The following RIN2 variants were observed in gnomAD, a reference collection of about 807,000 sequenced individuals.
RIN2 encodes the protein Ras and Rab interactor 2.
Under a neutral mutation model 78.0 loss-of-function variants are expected in RIN2, and 36 were observed. That is an observed-to-expected ratio of 0.46 (90% CI 0.35 to 0.61). RIN2 has a LOEUF of 0.61. Among genes scored for constraint, RIN2 ranks in the 20% least tolerant of loss-of-function variants. RIN2 has a pLI of 0.00. For missense variants in RIN2, 1,087 were observed against 1,159.7 expected (o/e 0.94, Z 0.91); for synonymous variants, 466 against 466.8 (o/e 1.00, Z 0.02).
intron 1 of RIN2, among the ~76,000 whole-genome samples, chr20:19,783,810 C>T (rs541808703): frequency 6.6e-6 from 1 of 152,134 alleles, no homozygotes; most frequent in Non-Finnish European, 1.5e-5. Flanking sequence ...CACACTCGCT[C>T]TCATCAGTTG....
At position 20,002,060 on chromosome 20, in the gene RIN2, A is replaced by G. The variant is rs537589820; in HGVS notation, c.*1124A>G. On this transcript the variant is annotated 3_prime_UTR_variant, in exon 13 of 13. Coordinates refer to ENST00000255006, the MANE Select transcript of RIN2 (RefSeq NM_018993.4). ...AATTATTGGGACCAGAAACCAAGTA[A>G]TGTATAATGTGGCTTTTGTTGAGTT... 1.1e-4 allele frequency: 17 copies of G among 152,552 alleles called. No individual in the cohort carries two copies. Among genetic ancestry groups the G allele is most frequent in the African/African-American group, 3.8e-4 (16 of 41,584 alleles). 9.4% of individuals were successfully genotyped at this position (152,552 alleles called of 1,614,324 possible).
chr20:19,844,669 C>CTTCCTCTTCTTCTT (rs1232176696), intron 2 of RIN2, among the ~76,000 whole-genome samples: 2 of 76,166 alleles, frequency 2.6e-5, no homozygotes, highest in Admixed American at 1.4e-4. Context: ...TCTTCTTCTT[C>CTTCCTCTTCTTCTT]CTTCTTCTTC....
chr20:19,835,024 G>GA (rs1380456235), intron 2 of RIN2, among the ~76,000 whole-genome samples: 1 of 145,444 alleles, frequency 6.9e-6, no homozygotes, highest in Non-Finnish European at 1.5e-5. Context: ...AAGAGAGAGA[G>GA]AAAAAAGAGA....
At chr20:19,894,988 C>T (rs948351966) in intron 3 of RIN2, among the ~76,000 whole-genome samples, 2 of 152,088 alleles carry the variant, frequency 1.3e-5, no homozygotes, top group Non-Finnish European at 2.9e-5. Flanking sequence ...TCTGCAGCAT[C>T]GTGAGTCTCT....
At chr20:19,915,621 A>G (rs1051428712) in intron 3 of RIN2, among the ~76,000 whole-genome samples, 9 of 152,246 alleles carry the variant, frequency 5.9e-5, no homozygotes, top group Admixed American at 2.0e-4. Flanking sequence ...CAAATGAGGA[A>G]CAAACCTTTG....
chr20:19,856,859 T>C (rs867501270), intron 2 of RIN2, among the ~76,000 whole-genome samples: 3 of 152,190 alleles, frequency 2.0e-5, no homozygotes, highest in Non-Finnish European at 4.4e-5. Context: ...TCTTGCAACG[T>C]GGCCAGTAGT....
rs1254120353 is a variant in RIN2 at position 19,970,935 on chromosome 20, T to C, written c.628+6T>C. 3.7e-6 allele frequency: 6 copies of C among 1,607,376 alleles called. No homozygotes were observed. Among genetic ancestry groups the C allele is most frequent in the Non-Finnish European group, 5.1e-6 (6 of 1,175,512 alleles). On this transcript the variant is annotated splice_donor_region_variant and intron_variant, in intron 8 of 12. Coordinates refer to ENST00000255006, the MANE Select transcript of RIN2 (RefSeq NM_018993.4). ...ACTGGCCCAGATGGGACTAAGTAAG[T>C]GTGTGCCCCCTGCCTGAGTCTATCT... is the stretch of plus-strand genomic sequence containing the variant.
At chr20:19,834,456 G>C (rs2036342628) in intron 2 of RIN2, among the ~76,000 whole-genome samples, 1 of 152,162 alleles carries the variant, frequency 6.6e-6, no homozygotes, top group South Asian at 2.1e-4. Flanking sequence ...CAGCTAGTAA[G>C]CAGCAGCATT....
intron 6 of RIN2, among the ~76,000 whole-genome samples, chr20:19,962,975 A>T (rs571041588): frequency 3.7e-4 from 56 of 152,298 alleles, no homozygotes; most frequent in African/African-American, 1.3e-3. Flanking sequence ...ATAAATATTC[A>T]GATATTTTGT....
chr20:19,947,435 TTAG>T (rs2041141276), intron 4 of RIN2, among the ~76,000 whole-genome samples: 1 of 152,222 alleles, frequency 6.6e-6, no homozygotes, highest in South Asian at 2.1e-4. Flanking sequence ...AGTTTTCCAC[TTAG>T]TAGCAAAACT....
chr20:19,973,726 T>A (rs2042178625), intron 8 of RIN2, among the ~76,000 whole-genome samples: 3 of 152,062 alleles, frequency 2.0e-5, no homozygotes, highest in Admixed American at 6.6e-5. Flanking sequence ...GAGGTGGTGG[T>A]TGCAGTGAGC....
Position 19,975,454 on chromosome 20 carries a change from A to G in RIN2, c.1429A>G (p.Ile477Val). 6.2e-7 allele frequency: 1 copy of G among 1,614,030 alleles called. No homozygotes were observed. Among genetic ancestry groups the G allele is most frequent in the Non-Finnish European group, 8.5e-7 (1 of 1,179,894 alleles). The change falls in exon 9 of 13, where the codon ATC becomes GTC. Residue 477 changes from isoleucine (I) to valine (V), a missense_variant. By Grantham distance (29) the Ile-to-Val change is conservative (BLOSUM62 3). Coordinates refer to ENST00000255006, the MANE Select transcript of RIN2 (RefSeq NM_018993.4). The surrounding 1 kb of genome is among the most constrained non-coding windows in gnomAD (Gnocchi z 4.9). ...TGACCAAGAGACCATGGCGCCCCCCATCAAGTCCAAAAAGAAAAGGAGCAG... is the reference window on the plus strand; with the variant it reads ...TGACCAAGAGACCATGGCGCCCCCCGTCAAGTCCAAAAAGAAAAGGAGCAG... ...ESDQETMAPP[I>V]KSKKKRSSSF...
At chr20:19,861,788 A>C (rs1316653899) in intron 2 of RIN2, among the ~76,000 whole-genome samples, 3 of 149,702 alleles carry the variant, frequency 2.0e-5, no homozygotes, top group Non-Finnish European at 3.0e-5. Flanking sequence ...TCCATATCTG[A>C]TGATCACCCT....
At position 19,936,092 on chromosome 20, in the gene RIN2, C is replaced by T. The variant is rs894078280; in HGVS notation, c.158+893C>T. Among the ~76,000 whole-genome samples, 8 of 152,214 alleles carry T rather than the reference C, an allele frequency of 5.3e-5. 1 individual carries two copies. The highest frequency in any genetic ancestry group is 1.3e-4 in the Admixed American group (2 of 15,280). On this transcript the variant is annotated intron_variant, in intron 4 of 12. Transcript: ENST00000255006. Reference sequence around the variant, plus strand: ...AACCAGCCCGACTAGTTCCGCCATACGCTGACGGGAGAGAGCAACATCCCA... The same window carrying T: ...AACCAGCCCGACTAGTTCCGCCATATGCTGACGGGAGAGAGCAACATCCCA...
chr20:19,826,644 C>T (rs2036096795), intron 2 of RIN2, among the ~76,000 whole-genome samples: 1 of 152,182 alleles, frequency 6.6e-6, no homozygotes, highest in Non-Finnish European at 1.5e-5. Flanking sequence ...ATTTGTCATT[C>T]TCTCTGCTTT....
intron 4 of RIN2, among the ~76,000 whole-genome samples, chr20:19,955,723 C>T (rs780622831): frequency 2.8e-4 from 42 of 152,200 alleles, no homozygotes; most frequent in African/African-American, 7.9e-4. Context: ...CATGATTTTA[C>T]GAATAGCACA....
chr20:19,850,907 G>A (rs1239417869), intron 2 of RIN2, among the ~76,000 whole-genome samples: 2 of 151,948 alleles, frequency 1.3e-5, no homozygotes, highest in East Asian at 3.9e-4. Flanking sequence ...CTGGGATGCA[G>A]AAATTGCAGT....
Position 19,799,625 on chromosome 20 carries a change from G to T in RIN2, c.-159G>T, listed in dbSNP as rs2035178800. Reference sequence around the variant, plus strand: ...ATGGTCAATTTTTGTGTTGTAGATGGAGACGAGAGATCTGGACTTCTGAAC... The same window carrying T: ...ATGGTCAATTTTTGTGTTGTAGATGTAGACGAGAGATCTGGACTTCTGAAC... On this transcript the variant is annotated 5_prime_UTR_variant, in exon 2 of 13. It introduces an in-frame stop codon into an upstream open reading frame of the 5' UTR. Transcript: ENST00000255006. 2 of 152,170 alleles carry T rather than the reference G, an allele frequency of 1.3e-5. No homozygotes were observed. The highest frequency in any genetic ancestry group is 4.8e-5 in the African/African-American group (2 of 41,430). 9.4% of individuals were successfully genotyped at this position (152,170 alleles called of 1,614,324 possible). A position where few individuals can be genotyped will look rare whatever the true frequency, so the allele number is the denominator to read the frequency against.
intron 6 of RIN2, among the ~76,000 whole-genome samples, chr20:19,961,205 A>C (rs955651098): frequency 2.6e-5 from 4 of 152,204 alleles, no homozygotes; most frequent in Admixed American, 6.5e-5. Flanking sequence ...ATCCTAAAGC[A>C]TGTGTCTGCA....
Sources: gnomAD v4.1 joint callset for allele counts (sites outside exome capture counted in the v4.1 genomes callset) on GRCh38, gnomAD v4.1.1 for gene constraint, Gnocchi (gnomAD v3.1) non-coding constraint, MANE v1.5 for transcripts, NCBI Gene and HGNC (gene_info 2026-07-23, HGNC 2026-07-21) for gene names.